SHISA9: variants seen among roughly 807,000 people sequenced by gnomAD.
The protein encoded by SHISA9 is protein shisa-9.
Under a neutral mutation model 38.0 loss-of-function variants are expected in SHISA9, and 13 were observed. The ratio of observed to expected loss-of-function variants is 0.34; its 90% CI spans 0.22 to 0.54. The LOEUF (loss-of-function observed/expected upper bound fraction) is 0.54, where lower values mean the gene tolerates loss of function less well. SHISA9 is among the 20% of genes least tolerant of loss of function. The pLI is 0.91. For missense variants in SHISA9, 538 were observed against 575.8 expected (o/e 0.93, Z 0.67); for synonymous variants, 275 against 242.0 (o/e 1.14, Z -1.27).
At chr16:13,174,227 C>A (rs964062494) in intron 2 of SHISA9, among the ~76,000 whole-genome samples, 20 of 152,104 alleles carry the variant, frequency 1.3e-4, no homozygotes, top group African/African-American at 4.6e-4. Context: ...CATTATGGGG[C>A]CTTCTCATGC....
At chr16:13,057,503 A>T (rs1042681987) in intron 2 of SHISA9, among the ~76,000 whole-genome samples, 1 of 152,038 alleles carries the variant, frequency 6.6e-6, no homozygotes, top group Non-Finnish European at 1.5e-5. Context: ...TAAAATGTAG[A>T]TTCTTGGGCT....
At chr16:13,533,847 G>A in the SHISA9 span, among the ~76,000 whole-genome samples, 962 of 147,884 alleles carry the variant, frequency 6.5e-3, 17 homozygotes, top group African/African-American at 0.023. Flanking sequence ...GCAGTGGCGC[G>A]ATCTCGGCTC....
At position 13,175,776 on chromosome 16, in the gene SHISA9, C is replaced by A. The variant is rs553776986; in HGVS notation, c.692-27618C>A. 2.0e-5 allele frequency among the ~76,000 whole-genome samples: 3 copies of A among 152,290 alleles called. No individual in the cohort carries two copies. In the East Asian group the frequency reaches 5.8e-4, roughly 29 times the overall value. ...CCTGGTGCCCAATGCTAGTAGCCTCCCCTGCATCACTTTGATAATAAAATA... is the reference window on the plus strand; with the variant it reads ...CCTGGTGCCCAATGCTAGTAGCCTCACCTGCATCACTTTGATAATAAAATA... On this transcript the variant is annotated intron_variant, in intron 2 of 4. Transcript: ENST00000558583.
chr16:12,937,909 C>CT (rs1205558269), intron 2 of SHISA9, among the ~76,000 whole-genome samples: 2 of 152,092 alleles, frequency 1.3e-5, no homozygotes, highest in Non-Finnish European at 2.9e-5. Context: ...ATCTTTTGCC[C>CT]TTTTGCTGTG....
the SHISA9 span, among the ~76,000 whole-genome samples, chr16:13,468,948 A>C: frequency 6.6e-6 from 1 of 151,494 alleles, no homozygotes; most frequent in East Asian, 1.9e-4. Context: ...TAAAACAACA[A>C]CAACAAAAAA....
chr16:13,469,342 GAAAGAAAGAAAGAAAGAAAAGAA>G, the SHISA9 span, among the ~76,000 whole-genome samples: 2 of 113,914 alleles, frequency 1.8e-5, no homozygotes, highest in African/African-American at 3.4e-5. Flanking sequence ...AAGAAAGAAA[GAAAGAAAGAAAGAAAGAAAAGAA>G]AAAGAAAGAA....
At chr16:13,454,930 C>T in the SHISA9 span, among the ~76,000 whole-genome samples, 1 of 152,142 alleles carries the variant, frequency 6.6e-6, no homozygotes, top group Non-Finnish European at 1.5e-5. Flanking sequence ...CCTGAGTGTT[C>T]ACCCCACTCT....
intron 2 of SHISA9, among the ~76,000 whole-genome samples, chr16:13,195,069 A>G (rs1265671423): frequency 6.6e-6 from 1 of 152,226 alleles, no homozygotes; most frequent in African/African-American, 2.4e-5. Flanking sequence ...ATATATTAGC[A>G]TACATATCTA....
In SHISA9 at chr16:13,239,171, A is replaced by C. The variant is rs1051516562; in HGVS notation, c.*3762A>C. 3 of 151,502 alleles carry C rather than the reference A, an allele frequency of 2.0e-5. No individual in the cohort carries two copies. Among genetic ancestry groups the C allele is most frequent in the Non-Finnish European group, 4.4e-5 (3 of 67,888 alleles). 9.4% of individuals were successfully genotyped at this position (151,502 alleles called of 1,614,324 possible). ...TCCCTACAAAGGACATGAACTCATC[A>C]TTTTTTATGGCTGCATAGTATTCCA... On this transcript the variant is annotated 3_prime_UTR_variant, in exon 5 of 5. Coordinates refer to ENST00000558583, the MANE Select transcript of SHISA9 (RefSeq NM_001145204.3).
chr16:13,453,628 G>A, the SHISA9 span, among the ~76,000 whole-genome samples: 1 of 152,202 alleles, frequency 6.6e-6, no homozygotes, highest in Non-Finnish European at 1.5e-5. Flanking sequence ...TGAAGATGCA[G>A]GAACGAGCCC....
At chr16:13,008,750 T>C (rs1408876005) in intron 2 of SHISA9, among the ~76,000 whole-genome samples, 4 of 150,844 alleles carry the variant, frequency 2.7e-5, no homozygotes, top group Non-Finnish European at 4.4e-5. Flanking sequence ...ACCATGATTG[T>C]AAGTTTCCTG....
chr16:13,048,127 G>C (rs1283852156), intron 2 of SHISA9, among the ~76,000 whole-genome samples: 1 of 152,220 alleles, frequency 6.6e-6, no homozygotes, highest in Non-Finnish European at 1.5e-5. Context: ...AGAGGACTCA[G>C]CTTTCAGGTA....
chr16:13,196,293 A>T (rs2050940569), intron 2 of SHISA9, among the ~76,000 whole-genome samples: 1 of 148,206 alleles, frequency 6.7e-6, no homozygotes, highest in South Asian at 2.1e-4. Flanking sequence ...GCTACTCGGG[A>T]GGCTGAGGCA....
chr16:13,165,745 A>C (rs2050630021), intron 2 of SHISA9, among the ~76,000 whole-genome samples: 2 of 152,216 alleles, frequency 1.3e-5, no homozygotes, highest in Admixed American at 6.5e-5. Flanking sequence ...CGTGCTGATC[A>C]GTGAGTAAAG....
chr16:13,008,645 C>A (rs2072629084), intron 2 of SHISA9, among the ~76,000 whole-genome samples: 1 of 56,150 alleles, frequency 1.8e-5, no homozygotes, highest in Non-Finnish European at 3.5e-5. Flanking sequence ...CTCCCTCCCT[C>A]CCTCCCTCCC....
rs71147769 is a variant in SHISA9 at position 12,915,986 on chromosome 16, G to GTT, written c.564-693_564-692dup. 7.4e-3 allele frequency among the ~76,000 whole-genome samples: 913 copies of GTT among 124,116 alleles called. 4 individuals carry two copies. Among genetic ancestry groups the GTT allele is most frequent in the East Asian group, 0.012 (47 of 3,862 alleles). The allele number at this position is 124,116 out of a possible 152,430, so 81.4% of individuals were successfully genotyped here. On this transcript the variant is annotated intron_variant, in intron 1 of 4. Transcript: ENST00000558583. ...GGTCTGTTCTACGTATGAACACTGA[G>GTT]TTTTTTTTTTGTGTGTGTGTGTGTG... is the stretch of plus-strand genomic sequence containing the variant.
In SHISA9 at chr16:13,238,973, T is replaced by A. The variant is rs1187611115; in HGVS notation, c.*3564T>A. 7.3e-6 allele frequency: 1 copy of A among 136,436 alleles called. No individual in the cohort carries two copies. The highest frequency in any genetic ancestry group is 2.7e-5 in the African/African-American group (1 of 36,948). 8.5% of individuals were successfully genotyped at this position (136,436 alleles called of 1,614,324 possible). ...TAGCATTAGCTATATCTCCTAATGCTATCCCTCCCCCCTCCCCCCACCCCA... is the reference window on the plus strand; with the variant it reads ...TAGCATTAGCTATATCTCCTAATGCAATCCCTCCCCCCTCCCCCCACCCCA... On this transcript the variant is annotated 3_prime_UTR_variant, in exon 5 of 5. Coordinates refer to ENST00000558583, the MANE Select transcript of SHISA9 (RefSeq NM_001145204.3).
chr16:13,410,412 C>T, the SHISA9 span, among the ~76,000 whole-genome samples: 6 of 152,132 alleles, frequency 3.9e-5, no homozygotes, highest in Admixed American at 3.3e-4. Context: ...AATGAGGCAA[C>T]AGTTCTTTTC....
the SHISA9 span, among the ~76,000 whole-genome samples, chr16:13,451,843 C>A: frequency 1.3e-5 from 2 of 152,164 alleles, no homozygotes; most frequent in Non-Finnish European, 2.9e-5. Context: ...GAGGTCTTTG[C>A]CCTGTGCATA....
Sources: allele counts gnomAD v4.1 joint callset (sites outside exome capture counted in the v4.1 genomes callset), GRCh38; gene constraint gnomAD v4.1.1; transcripts MANE v1.5; gene names NCBI Gene and HGNC (gene_info 2026-07-23, HGNC 2026-07-21).